The following DACH2 variants were observed in gnomAD, a reference collection of about 807,000 sequenced individuals.
DACH2 encodes the protein dachshund homolog 2.
In DACH2, 17 loss-of-function variants were observed where a neutral mutation model predicts 35.8. That is an observed-to-expected ratio of 0.48 (90% CI 0.33 to 0.71). The LOEUF is 0.71. DACH2 is among the 30% of genes least tolerant of loss of function. The probability of loss-of-function intolerance (pLI) is 0.02; values close to 1 mark genes in which losing one functional copy is unlikely to be tolerated. For synonymous variants in DACH2, 195 were observed against 177.3 expected (o/e 1.10, Z -0.79); for missense variants, 469 against 472.7 (o/e 0.99, Z 0.07).
chrX:86,668,218 A>G (rs1376342772), intron 4 of DACH2, among the ~76,000 whole-genome samples: 4 of 112,249 alleles, frequency 3.6e-5, no homozygotes, highest in Admixed American at 9.5e-5. Context: ...TATGAGGAAC[A>G]TGTCTTTGTA....
chrX:86,362,110 G>A lies in DACH2; in HGVS notation c.489-14714G>A, dbSNP rs1020097725. ...TTAGATTACTGTCCCTCTTCACTCAGTAAGTATTTACTCAATGTTTAGCAA... is the reference window on the plus strand; with the variant it reads ...TTAGATTACTGTCCCTCTTCACTCAATAAGTATTTACTCAATGTTTAGCAA... On this transcript the variant is annotated intron_variant, in intron 1 of 11. Transcript: ENST00000373125. 3.6e-5 allele frequency among the ~76,000 whole-genome samples: 4 copies of A among 111,126 alleles called. No homozygotes were observed. The East Asian group carries it at 1.1e-3, about 31-fold the overall frequency.
At chrX:86,304,600 C>T (rs2034640142) in intron 1 of DACH2, 1 of 162,267 alleles carries the variant, frequency 6.2e-6, no homozygotes, top group African/African-American at 3.1e-5. Flanking sequence ...CTGACCATCA[C>T]ATGGCCTGGC....
intron 1 of DACH2, among the ~76,000 whole-genome samples, chrX:86,362,851 G>C (rs1318601117): frequency 9.0e-6 from 1 of 110,981 alleles, no homozygotes; most frequent in Non-Finnish European, 1.9e-5. Context: ...AGTTTTAACA[G>C]ATGGGCTTAC....
chrX:86,454,202 A>G (rs2037433627), intron 2 of DACH2, among the ~76,000 whole-genome samples: 1 of 111,291 alleles, frequency 9.0e-6, no homozygotes, highest in South Asian at 3.8e-4. Flanking sequence ...CCTGGCTGTC[A>G]TTAACACTTT....
chrX:86,428,450 C>A (rs1351809003), intron 2 of DACH2, among the ~76,000 whole-genome samples: 1 of 111,586 alleles, frequency 9.0e-6, no homozygotes, highest in African/African-American at 3.2e-5. Flanking sequence ...CAAAAGCCAC[C>A]ATGCTAATGC....
chrX:86,239,813 C>A (rs1001748578), intron 1 of DACH2, among the ~76,000 whole-genome samples: 1 of 111,840 alleles, frequency 8.9e-6, no homozygotes, highest in Non-Finnish European at 1.9e-5. Context: ...TATGAGAGTT[C>A]CAGTTTCTCC....
intron 4 of DACH2, among the ~76,000 whole-genome samples, chrX:86,659,974 C>A (rs1216068121): frequency 9.0e-6 from 1 of 111,106 alleles, no homozygotes; most frequent in East Asian, 2.8e-4. Flanking sequence ...AGGTTCTGAA[C>A]CCTTCCTTAG....
At chrX:86,796,558 G>C (rs1362732385) in intron 7 of DACH2, among the ~76,000 whole-genome samples, 1 of 112,039 alleles carries the variant, frequency 8.9e-6, no homozygotes, top group Non-Finnish European at 1.9e-5. Context: ...CAGAAATTTT[G>C]GGTGTTTTGT....
intron 4 of DACH2, among the ~76,000 whole-genome samples, chrX:86,670,822 A>G (rs900575004): frequency 8.9e-6 from 1 of 112,081 alleles, no homozygotes; most frequent in Non-Finnish European, 1.9e-5. Flanking sequence ...TCTTTTTAAA[A>G]TCTATAGCAT....
At chrX:86,428,199 A>G (rs2036925156) in intron 2 of DACH2, among the ~76,000 whole-genome samples, 1 of 111,983 alleles carries the variant, frequency 8.9e-6, no homozygotes, top group Non-Finnish European at 1.9e-5. Context: ...TTAATAAGGT[A>G]GTAACTTAAA....
At chrX:86,556,781 T>G (rs867013901) in intron 3 of DACH2, among the ~76,000 whole-genome samples, 30 of 62,912 alleles carry the variant, frequency 4.8e-4, no homozygotes, top group African/African-American at 7.8e-4. Flanking sequence ...TATATATATA[T>G]ATATATATAT....
chrX:86,777,157 C>T (rs1204765928), intron 7 of DACH2, among the ~76,000 whole-genome samples: 1 of 111,138 alleles, frequency 9.0e-6, no homozygotes, highest in African/African-American at 3.3e-5. Context: ...CTTGAGGAAT[C>T]GCCACACTGT....
At chrX:86,719,949 T>G (rs2041383952) in intron 6 of DACH2, among the ~76,000 whole-genome samples, 1 of 101,147 alleles carries the variant, frequency 9.9e-6, no homozygotes, top group East Asian at 3.0e-4. Flanking sequence ...TTTTCTTTTT[T>G]TTTTTTTTAG....
At chrX:86,796,288 T>G (rs1480959032) in intron 7 of DACH2, among the ~76,000 whole-genome samples, 1 of 111,428 alleles carries the variant, frequency 9.0e-6, no homozygotes, top group Non-Finnish European at 1.9e-5. Flanking sequence ...ATTGGTGCAT[T>G]TTTACAGAGT....
chrX:86,657,117 G>T (rs2040552393), intron 4 of DACH2, among the ~76,000 whole-genome samples: 1 of 107,739 alleles, frequency 9.3e-6, no homozygotes, highest in African/African-American at 3.4e-5. Context: ...AGGAGGTGAT[G>T]TGGGGAGGGT....
chrX:86,604,306 G>T (rs927375869), intron 3 of DACH2, among the ~76,000 whole-genome samples: 2 of 110,756 alleles, frequency 1.8e-5, no homozygotes, highest in Non-Finnish European at 3.8e-5. Flanking sequence ...TTTAGTGTTT[G>T]CCCTGGGGTT....
intron 2 of DACH2, among the ~76,000 whole-genome samples, chrX:86,483,216 G>T (rs746324086): frequency 2.7e-5 from 3 of 109,523 alleles, no homozygotes; most frequent in South Asian, 7.9e-4. Context: ...ACTGTCCTTG[G>T]TCCAAGCAGC....
intron 1 of DACH2, among the ~76,000 whole-genome samples, chrX:86,286,010 A>C (rs899172247): frequency 1.4e-4 from 15 of 106,028 alleles, no homozygotes; most frequent in African/African-American, 5.2e-4. Flanking sequence ...TGGATGGCAT[A>C]TCTTTTTCCT....
intron 1 of DACH2, among the ~76,000 whole-genome samples, chrX:86,297,206 T>C (rs2034483611): frequency 9.1e-6 from 1 of 110,106 alleles, no homozygotes; most frequent in Admixed American, 9.7e-5. Flanking sequence ...TTCGACCTTC[T>C]TAGGACATTC....
Sources: allele counts gnomAD v4.1 joint callset (sites outside exome capture counted in the v4.1 genomes callset), GRCh38; gene constraint gnomAD v4.1.1; transcripts MANE v1.5; gene names NCBI Gene and HGNC (gene_info 2026-07-23, HGNC 2026-07-21).